C5: variants seen among roughly 807,000 people sequenced by gnomAD.
C5 encodes C3 and PZP-like alpha-2-macroglobulin domain-containing protein 4.
Under a neutral mutation model 218.8 loss-of-function variants are expected in C5, and 140 were observed. The ratio of observed to expected loss-of-function variants is 0.64; its 90% CI spans 0.56 to 0.74. The LOEUF (loss-of-function observed/expected upper bound fraction) is 0.74. Ranked by LOEUF, C5 falls within the 30% of genes least tolerant of loss-of-function variation. The pLI, the probability that C5 is intolerant of heterozygous loss-of-function variation, is 0.00. For missense variants in C5, 1,700 were observed against 1,969.6 expected (o/e 0.86, Z 2.59); for synonymous variants, 614 against 682.3 (o/e 0.90, Z 1.56).
chr9:121,069,585 C>T, the C5 span, among the ~76,000 whole-genome samples: 1 of 151,118 alleles, frequency 6.6e-6, no homozygotes, highest in Non-Finnish European at 1.5e-5. Flanking sequence ...ATGATGATAG[C>T]TCACTGCAGC....
chr9:120,990,772 A>ATGGACT (rs1182644321), intron 23 of C5, among the ~76,000 whole-genome samples: 6 of 152,202 alleles, frequency 3.9e-5, no homozygotes, highest in African/African-American at 1.4e-4. Context: ...GGCAGCATAA[A>ATGGACT]TGGACTAAGA....
At chr9:121,052,784 G>T (rs1390556729), upstream of C5, among the ~76,000 whole-genome samples, 1 of 152,032 alleles carries the variant, frequency 6.6e-6, no homozygotes, top group Non-Finnish European at 1.5e-5. Flanking sequence ...CTCCTAGCAG[G>T]ATAATAATTT....
chr9:120,969,992 A>G (rs1401658527), intron 32 of C5, among the ~76,000 whole-genome samples, 178 bp downstream of exon 32: 1 of 152,270 alleles, frequency 6.6e-6, no homozygotes, highest in African/African-American at 2.4e-5. Flanking sequence ...ACTATATTAA[A>G]GAGTTATCTA....
rs1165347998 is a variant in C5 at position 121,021,529 on chromosome 9, C to T, written c.1282G>A (p.Val428Met). The T allele has an allele frequency of 3.0e-5, 49 of 1,613,570 alleles. No individual in the cohort carries two copies. The highest frequency in any genetic ancestry group is 4.1e-5 in the Non-Finnish European group (48 of 1,179,682). Reference sequence around the variant, plus strand: ...CTCACATTAAACTCCAGCACCGTCACTCCAGATGGGAGATTAAGCACAAAG... The same window carrying T: ...CTCACATTAAACTCCAGCACCGTCATTCCAGATGGGAGATTAAGCACAAAG... The part of the protein sequence containing the change: ...ASFVLNLPSG[V>M]TVLEFNVKTD... The change falls in exon 11 of 41, where the codon GTG (valine) becomes ATG (methionine). Residue 428 changes from valine to methionine, a missense_variant. Val to Met is a conservative substitution (Grantham distance 21). Transcript: ENST00000223642.
the C5 span, among the ~76,000 whole-genome samples, chr9:121,074,425 C>T: frequency 1.3e-5 from 2 of 152,240 alleles, no homozygotes; most frequent in African/African-American, 4.8e-5. Flanking sequence ...CTGAACCTCA[C>T]GCGACAGCTG....
At chr9:120,985,483 A>G (rs1197741811) in intron 25 of C5, among the ~76,000 whole-genome samples, 1 of 152,234 alleles carries the variant, frequency 6.6e-6, no homozygotes, top group Non-Finnish European at 1.5e-5. Flanking sequence ...ACACATGTGC[A>G]CAAAGAGACA....
At chr9:120,989,814 T>C in intron 23 of C5, 34 bp from the exon 24 acceptor site, 1 of 1,522,760 alleles carries the variant, frequency 6.6e-7, no homozygotes, top group Non-Finnish European at 9.1e-7. Context: ...GACACATTGC[T>C]TTTTATTAAC....
the C5 span, among the ~76,000 whole-genome samples, chr9:121,074,536 A>G: frequency 6.6e-6 from 1 of 152,200 alleles, no homozygotes; most frequent in Non-Finnish European, 1.5e-5. Flanking sequence ...AAGTGTGCTG[A>G]TAAGAACACT....
intron 18 of C5, among the ~76,000 whole-genome samples, chr9:121,007,962 T>C (rs959232865): frequency 5.9e-5 from 9 of 152,206 alleles, no homozygotes; most frequent in African/African-American, 1.9e-4. Context: ...AAGAAGAGTA[T>C]GGCTCGAGGA....
intron 38 of C5, 21 bp from the exon 39 acceptor site, chr9:120,957,389 ATGAAACAATTCAGTC>A: frequency 6.3e-7 from 1 of 1,577,720 alleles, no homozygotes. Context: ...ACAAACAACA[ATGAAACAATTCAGTC>A]TTAATACTAT....
At chr9:121,030,713 A>AT (rs2047467208) in intron 6 of C5, among the ~76,000 whole-genome samples, 1 of 152,186 alleles carries the variant, frequency 6.6e-6, no homozygotes, top group Non-Finnish European at 1.5e-5. Flanking sequence ...CTTTGCCTAT[A>AT]TTTTGATTAC....
intron 17 of C5, among the ~76,000 whole-genome samples, chr9:121,011,109 C>T (rs2047258693): frequency 6.6e-6 from 1 of 152,114 alleles, no homozygotes; most frequent in Non-Finnish European, 1.5e-5. Context: ...ACACAGACAA[C>T]CAAAGCCAAA....
intron 26 of C5, among the ~76,000 whole-genome samples, chr9:120,982,238 C>T (rs1431019935): frequency 6.6e-6 from 1 of 152,192 alleles, no homozygotes; most frequent in Non-Finnish European, 1.5e-5. Context: ...TTTTGAACTC[C>T]TGACCTCATG....
chr9:120,991,643 A>G (rs1292129474), intron 22 of C5, among the ~76,000 whole-genome samples: 2 of 152,218 alleles, frequency 1.3e-5, no homozygotes, highest in African/African-American at 2.4e-5. Context: ...TTAATCAACT[A>G]TATATTGAAC....
In C5 at chr9:120,962,954, AC is replaced by A. The variant is rs1554718962; in HGVS notation, c.4336del (p.Val1446TrpfsTer19). 2 of 1,613,462 alleles carry A rather than the reference AC, an allele frequency of 1.2e-6. No individual in the cohort carries two copies. The highest frequency in any genetic ancestry group is 1.7e-6 in the Non-Finnish European group (2 of 1,179,454). Reference protein sequence around the residue: ...EEDLKALVEGVDQLFTDYQIK... With the variant: ...EEDLKALVEGXDQLFTDYQIK... ...TTGGTAATCAGTGAATAGTTGATCC[AC>A]CCCTTCCACAAGCTAAGGGGGAAAA... On this transcript the variant is annotated frameshift_variant, in exon 35 of 41. Transcript: ENST00000223642. LOFTEE classifies it high-confidence loss of function.
At chr9:121,032,017 C>T (rs773291436) in intron 6 of C5, 96 bp downstream of exon 6, 46 of 690,726 alleles carry the variant, frequency 6.7e-5, no homozygotes, top group Middle Eastern at 8.3e-4. Context: ...GAGCTGAGAT[C>T]GTGCCACTGC....
chr9:121,017,808 T>C lies in C5; in HGVS notation c.1551A>G (p.Lys517=), dbSNP rs2047321418. ...GKIIHFGTRE[K]FSDASYQSIN... ...TACTTTGATAAGATGCATCTGAAAA[T>C]TTCTCCCTCGTGCCAAAGTGGATAA... The change falls in exon 13 of 41, where the codon AAA becomes AAG. Residue 517 remains lysine (K), a synonymous_variant. Transcript: ENST00000223642. 6.2e-7 allele frequency: 1 copy of C among 1,613,778 alleles called. No homozygotes were observed. Among genetic ancestry groups the C allele is most frequent in the Non-Finnish European group, 8.5e-7 (1 of 1,179,870 alleles).
At chr9:120,999,929 T>C in intron 20 of C5, 1 of 449,320 alleles carries the variant, frequency 2.2e-6, no homozygotes, top group South Asian at 1.6e-5. Flanking sequence ...CATGGTGGTG[T>C]GTGCCTGTAA....
At chr9:121,034,127 C>T (rs565970948) in intron 5 of C5, among the ~76,000 whole-genome samples, 2 of 152,270 alleles carry the variant, frequency 1.3e-5, no homozygotes, top group South Asian at 4.2e-4. Flanking sequence ...ACCATGTTGG[C>T]CAGGCTGGTC....
Sources: allele counts gnomAD v4.1 joint callset (sites outside exome capture counted in the v4.1 genomes callset), GRCh38; gene constraint gnomAD v4.1.1; transcripts MANE v1.5; gene names NCBI Gene and HGNC (gene_info 2026-07-23, HGNC 2026-07-21).